The following TNPO1 variants were observed in gnomAD, a reference collection of about 807,000 sequenced individuals.
The protein encoded by TNPO1 is transportin 1.
TNPO1 carries 8 observed loss-of-function variants against 119.5 expected under a neutral mutation model. The ratio of observed to expected loss-of-function variants is 0.07; its 90% CI spans 0.04 to 0.12. TNPO1 has a LOEUF of 0.12. TNPO1 is among the 10% of genes least tolerant of loss of function. TNPO1 has a pLI of 1.00. For missense variants in TNPO1, 576 were observed against 1,089.8 expected (o/e 0.53, Z 6.64); for synonymous variants, 362 against 363.0 (o/e 1.00, Z 0.03).
At chr5:72,851,216 A>G (rs1745524494) in intron 2 of TNPO1, 28 bp from the exon 3 acceptor site, 2 of 1,332,076 alleles carry the variant, frequency 1.5e-6, no homozygotes, top group African/African-American at 2.9e-5. Context: ...TTACACAGAG[A>G]AGTTTCCTTA....
chr5:72,870,852 A>G (rs544873939), intron 6 of TNPO1, among the ~76,000 whole-genome samples: 1 of 152,270 alleles, frequency 6.6e-6, no homozygotes, highest in East Asian at 1.9e-4. Flanking sequence ...CCTTTAAAAG[A>G]CTTTATTGTA....
intron 6 of TNPO1, among the ~76,000 whole-genome samples, chr5:72,868,322 C>T (rs1416525631): frequency 6.8e-6 from 1 of 147,302 alleles, no homozygotes; most frequent in Non-Finnish European, 1.5e-5. Flanking sequence ...GTCCCAGCAA[C>T]TCGGGAGGCT....
Position 72,827,065 on chromosome 5 carries a change from A to G in TNPO1, c.15+10313A>G, listed in dbSNP as rs141589329. The stretch of plus-strand genomic sequence containing the variant: ...AAAGGAAGAGGACATTGCCTTTCTT[A>G]AATGTCGTATTTGGCCAGCAGTCAA... On this transcript the variant is annotated intron_variant, in intron 1 of 24. Coordinates refer to ENST00000337273, the MANE Select transcript of TNPO1 (RefSeq NM_002270.4). 6.0e-4 allele frequency among the ~76,000 whole-genome samples: 92 copies of G among 152,254 alleles called. 1 individual carries two copies. The highest frequency in any genetic ancestry group is 3.1e-3 in the South Asian group (15 of 4,826).
rs16878753 is a variant in TNPO1, at chr5:72,909,246, C to T, written c.*573C>T. 10,927 of 151,840 alleles carry T rather than the reference C, an allele frequency of 0.072. 489 individuals are homozygous for T. The highest frequency in any genetic ancestry group is 0.12 in the Admixed American group (1,879 of 15,222). 9.4% of individuals were successfully genotyped at this position (151,840 alleles called of 1,614,324 possible). ...ATAGTTAAAAGTCAGCTTGCCTTCC[C>T]GTAGTAGAAGCAGGTTCTTGGAAGT... On this transcript the variant is annotated 3_prime_UTR_variant, in exon 25 of 25. Transcript: ENST00000337273.
chr5:72,893,583 A>G (rs1308689817), intron 17 of TNPO1, 33 bp from the exon 18 acceptor site: 5 of 1,614,096 alleles, frequency 3.1e-6, no homozygotes, highest in East Asian at 2.2e-5. Flanking sequence ...TCTCTGTGTC[A>G]CATTGGGGTT....
At chr5:72,894,618 C>G (rs1177602537) in intron 18 of TNPO1, among the ~76,000 whole-genome samples, 2 of 152,178 alleles carry the variant, frequency 1.3e-5, no homozygotes, top group Non-Finnish European at 2.9e-5. Flanking sequence ...CTGCAGTGAG[C>G]TGATACTGTA....
chr5:72,880,660 T>C (rs1380836229), intron 9 of TNPO1, among the ~76,000 whole-genome samples: 1 of 151,684 alleles, frequency 6.6e-6, no homozygotes, highest in Non-Finnish European at 1.5e-5. Context: ...ACTAAAAATA[T>C]AAAAAATTAG....
intron 5 of TNPO1, among the ~76,000 whole-genome samples, chr5:72,863,926 T>C (rs1157965445): frequency 6.6e-6 from 1 of 152,184 alleles, no homozygotes; most frequent in African/African-American, 2.4e-5. Flanking sequence ...TAAGCTGCAG[T>C]AATTGTGAAA....
At chr5:72,879,937 C>G (rs1748105642) in intron 9 of TNPO1, among the ~76,000 whole-genome samples, 1 of 152,158 alleles carries the variant, frequency 6.6e-6, no homozygotes, top group Non-Finnish European at 1.5e-5. Context: ...CCTGTAACCT[C>G]AGCACTTTGG....
intron 6 of TNPO1, among the ~76,000 whole-genome samples, chr5:72,870,862 A>C (rs908833226): frequency 6.6e-6 from 1 of 151,872 alleles, no homozygotes; most frequent in African/African-American, 2.4e-5. Flanking sequence ...ACTTTATTGT[A>C]TTTTTTTTCC....
intron 15 of TNPO1, among the ~76,000 whole-genome samples, chr5:72,892,675 A>G (rs1369682279): frequency 2.0e-5 from 3 of 152,094 alleles, no homozygotes. Flanking sequence ...CCTCCTCCCA[A>G]TATACTTTAA....
chr5:72,872,437 A>T (rs1307250603), intron 6 of TNPO1, among the ~76,000 whole-genome samples: 1 of 152,180 alleles, frequency 6.6e-6, no homozygotes. Flanking sequence ...TTAGAAATAC[A>T]TATTGCTCTG....
intron 20 of TNPO1, among the ~76,000 whole-genome samples, chr5:72,899,457 G>A (rs932761016): frequency 1.3e-5 from 2 of 148,168 alleles, no homozygotes. Context: ...GTTAATCAAA[G>A]AAAAAATTTT....
intron 9 of TNPO1, chr5:72,878,917 TCAG>T (rs1274499961): frequency 9.8e-6 from 5 of 511,980 alleles, no homozygotes; most frequent in Non-Finnish European, 2.0e-5. Context: ...TCCAATGGTC[TCAG>T]CAGGAAGATT....
At chr5:72,880,533 G>C (rs1004690444) in intron 9 of TNPO1, among the ~76,000 whole-genome samples, 8 of 152,210 alleles carry the variant, frequency 5.3e-5, no homozygotes, top group African/African-American at 1.9e-4. Flanking sequence ...ACTCATTTTT[G>C]ACTGGGTGCA....
At chr5:72,858,609 G>A (rs111330771) in intron 4 of TNPO1, among the ~76,000 whole-genome samples, 14 of 152,102 alleles carry the variant, frequency 9.2e-5, no homozygotes, top group African/African-American at 2.2e-4. Context: ...AGGCCAAGGT[G>A]GGCGGATCAC....
rs148303008 is a variant in TNPO1 at position 72,874,661 on chromosome 5, A to C, written c.679-954A>C. Among the ~76,000 whole-genome samples the C allele has an allele frequency of 7.4e-3, 1,120 of 152,314 alleles. 7 individuals are homozygous for C. Among genetic ancestry groups the C allele is most frequent in the Admixed American group, 0.015 (236 of 15,300 alleles). ...AAATCAACATTTTAAAAATGCTGCA[A>C]TAGTACTTCACACAGTGTCCCATTT... On this transcript the variant is annotated intron_variant, in intron 7 of 24. Transcript: ENST00000337273.
At chr5:72,865,471 A>G in intron 5 of TNPO1, 125 bp from the exon 6 acceptor site, 2 of 1,078,696 alleles carry the variant, frequency 1.9e-6, no homozygotes, top group Non-Finnish European at 2.6e-6. Flanking sequence ...AAATTTATGG[A>G]TTTTAGAAGG....
At chr5:72,906,274 T>G (rs4704047) in intron 24 of TNPO1, among the ~76,000 whole-genome samples, 1 of 47,692 alleles carries the variant, frequency 2.1e-5, no homozygotes, top group Admixed American at 2.9e-4. Context: ...CTTTTTTTTT[T>G]CTTTTTTTTT....
Sources: gnomAD v4.1 joint callset for allele counts (sites outside exome capture counted in the v4.1 genomes callset) on GRCh38, gnomAD v4.1.1 for gene constraint, MANE v1.5 for transcripts, NCBI Gene and HGNC (gene_info 2026-07-23, HGNC 2026-07-21) for gene names.